F13A1: variants seen among roughly 807,000 people sequenced by gnomAD.
F13A1 encodes coagulation factor XIII A chain.
F13A1 carries 47 observed loss-of-function variants against 80.1 expected under a neutral mutation model. The ratio of observed to expected loss-of-function variants is 0.59; its 90% CI spans 0.46 to 0.75. The LOEUF is 0.75. F13A1 is among the 30% of genes least tolerant of loss of function. The pLI is 0.00. For synonymous variants in F13A1, 349 were observed against 344.9 expected, an observed-to-expected ratio of 1.01 and a Z score of -0.13; for missense variants, 817 against 930.4, an observed-to-expected ratio of 0.88 and a Z score of 1.59.
At chr6:6,152,485 A>G (rs558250219) in intron 13 of F13A1, among the ~76,000 whole-genome samples, 2 of 152,224 alleles carry the variant, frequency 1.3e-5, no homozygotes, top group African/African-American at 4.8e-5. Context: ...TTTTTCTTCT[A>G]CAGCCACAGT....
intron 2 of F13A1, among the ~76,000 whole-genome samples, chr6:6,316,408 T>G (rs1758687505): frequency 6.6e-6 from 1 of 151,852 alleles, no homozygotes; most frequent in East Asian, 1.9e-4. Flanking sequence ...CTAATGGATA[T>G]CCCAGAATGT....
intron 3 of F13A1, among the ~76,000 whole-genome samples, chr6:6,280,098 G>C (rs1290691026): frequency 6.6e-6 from 1 of 152,036 alleles, no homozygotes; most frequent in Non-Finnish European, 1.5e-5. Context: ...TAAGGAGTAT[G>C]GTACAGTCCA....
chr6:6,272,305 T>C (rs1757931550), intron 3 of F13A1, among the ~76,000 whole-genome samples: 1 of 152,210 alleles, frequency 6.6e-6, no homozygotes, highest in Admixed American at 6.5e-5. Context: ...AAATAGCACA[T>C]GGTATGGTCA....
At chr6:6,259,274 G>C (rs1757745848) in intron 4 of F13A1, among the ~76,000 whole-genome samples, 1 of 152,088 alleles carries the variant, frequency 6.6e-6, no homozygotes, top group African/African-American at 2.4e-5. Flanking sequence ...GTTACTCTGA[G>C]GACACCAGTC....
chr6:6,161,337 T>A (rs1177950791), intron 13 of F13A1, among the ~76,000 whole-genome samples: 1 of 152,098 alleles, frequency 6.6e-6, no homozygotes, highest in African/African-American at 2.4e-5. Flanking sequence ...TTGATGGGAC[T>A]ACAGAGGAGA....
At position 6,188,872 on chromosome 6, in the gene F13A1, G is replaced by T. The variant is rs1427688094; in HGVS notation, c.1306-6731C>A. 4.0e-5 allele frequency among the ~76,000 whole-genome samples: 3 copies of T among 74,076 alleles called. 1 individual carries two copies. The highest frequency in any genetic ancestry group is 9.6e-5 in the African/African-American group (1 of 10,424). 48.6% of individuals were successfully genotyped at this position (74,076 alleles called of 152,430 possible). On this transcript the variant is annotated intron_variant, in intron 10 of 14. Transcript: ENST00000264870. ...TGTGGGAATCTAAGTCTCTTTGTAGGTCTCTAAGAACTTGCTTTATGAATC... is the reference window on the plus strand; with the variant it reads ...TGTGGGAATCTAAGTCTCTTTGTAGTTCTCTAAGAACTTGCTTTATGAATC...
At chr6:6,238,025 A>G (rs1356396566) in intron 6 of F13A1, among the ~76,000 whole-genome samples, 1 of 152,254 alleles carries the variant, frequency 6.6e-6, no homozygotes, top group Non-Finnish European at 1.5e-5. Context: ...ATTGAAAAAG[A>G]AGAACAAAAA....
chr6:6,180,061 G>A (rs1760953892), intron 11 of F13A1, among the ~76,000 whole-genome samples: 1 of 152,204 alleles, frequency 6.6e-6, no homozygotes, highest in Non-Finnish European at 1.5e-5. Flanking sequence ...CATGTGGACA[G>A]CTCGCTTCCT....
intron 10 of F13A1, among the ~76,000 whole-genome samples, chr6:6,186,712 T>G (rs1181757804): frequency 6.6e-6 from 1 of 152,182 alleles, no homozygotes; most frequent in Non-Finnish European, 1.5e-5. Context: ...GCAGGCTCTT[T>G]TTTTGCTTCC....
At chr6:6,277,931 C>T (rs1203211314) in intron 3 of F13A1, among the ~76,000 whole-genome samples, 2 of 152,342 alleles carry the variant, frequency 1.3e-5, no homozygotes, top group Non-Finnish European at 1.5e-5. Flanking sequence ...ATTCCTGTTC[C>T]ATCTTCCTTT....
chr6:6,214,747 T>G (rs1409661531), intron 8 of F13A1, among the ~76,000 whole-genome samples: 3 of 72,810 alleles, frequency 4.1e-5, no homozygotes, highest in African/African-American at 1.5e-4. Flanking sequence ...AGGAGCTGGT[T>G]TTTTGAAAGG....
chr6:6,299,281 T>G lies in F13A1; in HGVS notation c.319+6070A>C, dbSNP rs11243073. On this transcript the variant is annotated intron_variant, in intron 3 of 14. Coordinates refer to ENST00000264870, the MANE Select transcript of F13A1 (RefSeq NM_000129.4). ...TGTGGCGTTCTCTGTATTTCCTGAA[T>G]CTGAACGTTGGCCTGCCTTGCTAGA... Among the ~76,000 whole-genome samples the G allele has an allele frequency of 4.9e-4, 52 of 107,208 alleles. 1 individual carries two copies. In the East Asian group the frequency reaches 0.013, roughly 27 times the overall value. The allele number at this position is 107,208 out of a possible 152,430, so 70.3% of individuals were successfully genotyped here.
intron 3 of F13A1, among the ~76,000 whole-genome samples, chr6:6,296,237 T>C (rs1758324970): frequency 6.6e-6 from 1 of 152,028 alleles, no homozygotes; most frequent in Non-Finnish European, 1.5e-5. Context: ...GGGCTCTTTT[T>C]TGGTTCCATG....
intron 11 of F13A1, among the ~76,000 whole-genome samples, chr6:6,181,191 G>A (rs923688188): frequency 3.9e-5 from 6 of 152,102 alleles, no homozygotes; most frequent in African/African-American, 1.4e-4. Context: ...TTCTTTAACC[G>A]AGGTCCACGA....
At chr6:6,164,622 A>C (rs1243082440) in intron 13 of F13A1, among the ~76,000 whole-genome samples, 2 of 151,582 alleles carry the variant, frequency 1.3e-5, no homozygotes, top group Non-Finnish European at 2.9e-5. Flanking sequence ...AAGTTTTCTT[A>C]TTACTCTCCT....
chr6:6,318,688 G>GAAAAAAAAAAAAAA lies in F13A1; in HGVS notation c.-18-20_-18-7dup. Reference sequence around the variant, plus strand: ...ATTTTTGACTTTACAAGGTCCTTCAGAAAAAAAAAAAAAAGAAGACAACAG... The same window carrying GAAAAAAAAAAAAAA: ...ATTTTTGACTTTACAAGGTCCTTCAGAAAAAAAAAAAAAAAAAAAAAAAAAAAAGAAGACAACAG... On this transcript the variant is annotated splice_region_variant and splice_polypyrimidine_tract_variant and intron_variant, in intron 1 of 14. Transcript: ENST00000264870. 1 of 1,488,492 alleles carries GAAAAAAAAAAAAAA rather than the reference G, an allele frequency of 6.7e-7. No homozygotes were observed. The highest frequency in any genetic ancestry group is 1.5e-5 in the African/African-American group (1 of 67,888). The allele number at this position is 1,488,492 out of a possible 1,614,324, so 92.2% of individuals were successfully genotyped here. A position where few individuals can be genotyped will look rare whatever the true frequency, so the allele number is the denominator to read the frequency against.
At chr6:6,213,188 G>A (rs993420544) in intron 8 of F13A1, among the ~76,000 whole-genome samples, 1 of 151,972 alleles carries the variant, frequency 6.6e-6, no homozygotes, top group African/African-American at 2.4e-5. Context: ...ACACCACAAA[G>A]ATACTCCTCG....
chr6:6,296,232 CT>C (rs940245995), intron 3 of F13A1, among the ~76,000 whole-genome samples: 6 of 151,902 alleles, frequency 3.9e-5, no homozygotes, highest in Non-Finnish European at 8.8e-5. Flanking sequence ...AATGCGGGCT[CT>C]TTTTTGGTTC....
intron 3 of F13A1, among the ~76,000 whole-genome samples, chr6:6,268,710 A>G (rs1195710217): frequency 1.3e-5 from 2 of 148,504 alleles, no homozygotes; most frequent in Admixed American, 6.7e-5. Context: ...TTTTTTGAGA[A>G]GGACTTTCAC....
Sources: allele counts gnomAD v4.1 joint callset (sites outside exome capture counted in the v4.1 genomes callset), GRCh38; gene constraint gnomAD v4.1.1; transcripts MANE v1.5; gene names NCBI Gene and HGNC (gene_info 2026-07-23, HGNC 2026-07-21).